Variants in NEB observed in about 807,000 individuals in gnomAD.
The protein encoded by NEB is nebulin, also known as nemaline myopathy type 2.
Under a neutral mutation model 952.2 loss-of-function variants are expected in NEB, and 512 were observed. The observed-to-expected ratio is 0.54, with a 90% CI of 0.50 to 0.58. The LOEUF is 0.58. Ranked by LOEUF, NEB falls within the 20% of genes least tolerant of loss-of-function variation. NEB has a pLI of 0.00. For missense variants in NEB, 8,428 were observed against 9,231.1 expected, an observed-to-expected ratio of 0.91 and a Z score of 3.56; for synonymous variants, 2,900 against 3,149.8, an observed-to-expected ratio of 0.92 and a Z score of 2.66.
chr2:151,619,694 G>C lies in NEB; in HGVS notation c.10629C>G (p.Asp3543Glu). The C allele has an allele frequency of 6.2e-7, 1 of 1,613,962 alleles. No homozygotes were observed. Among genetic ancestry groups the C allele is most frequent in the Non-Finnish European group, 8.5e-7 (1 of 1,179,862 alleles). ...HHIGARAVHD[D>E]PKIMWSLHIA... ...TGTGGAGGGACCACATTATCTTGGG[G>C]TCATCGTGTACTGCTCGGGCGCCAA... The change falls in exon 73 of 182, where the codon GAC becomes GAG. Residue 3543 changes from aspartate (D) to glutamate (E), a missense_variant. Asp to Glu is a conservative substitution (Grantham distance 45). Around this residue, in one of 11 missense-constraint regions of NEB, gnomAD observed 1,772 missense variants for 1,960.3 expected, o/e 0.90. Coordinates refer to ENST00000397345, the MANE Select transcript of NEB (RefSeq NM_001164508.2).
chr2:151,525,268 A>G lies in NEB; in HGVS notation c.22167T>C (p.Asn7389=). 2 of 1,606,722 alleles carry G rather than the reference A, an allele frequency of 1.2e-6. No homozygotes were observed. Among genetic ancestry groups the G allele is most frequent in the Non-Finnish European group, 1.7e-6 (2 of 1,173,462 alleles). Residue 7389 remains asparagine, a synonymous_variant, in exon 151 of 182, where the codon AAT becomes AAC. Coordinates refer to ENST00000397345, the MANE Select transcript of NEB (RefSeq NM_001164508.2). The stretch of plus-strand genomic sequence containing the variant: ...TCTCCTTGACAAACTTCTTTTTGTA[A>G]TTTGTCTAAATAGAGCCAGAATTAC... ...KEVTKHVSDT[N]YKKKFVKEKG... is the part of the protein sequence containing the mutation.
intron 153 of NEB, among the ~76,000 whole-genome samples, chr2:151,520,413 A>G (rs1435860605): frequency 6.6e-6 from 1 of 152,230 alleles, no homozygotes; most frequent in African/African-American, 2.4e-5. Flanking sequence ...AAGATTAAAT[A>G]TACTTTTAGT....
intron 169 of NEB, 115 bp from the exon 170 acceptor site, chr2:151,498,467 A>G: frequency 1.4e-6 from 1 of 698,062 alleles, no homozygotes; most frequent in Non-Finnish European, 2.4e-6. Context: ...AGGAAGAGAA[A>G]TACCAGAAGC....
intron 56 of NEB, 108 bp downstream of exon 56, chr2:151,644,360 A>C: frequency 8.7e-7 from 1 of 1,154,002 alleles, no homozygotes; most frequent in Non-Finnish European, 1.3e-6. Context: ...ATTTTATTCC[A>C]CTGTAATTTG....
chr2:151,486,211 A>G, intron 181 of NEB: 1 of 321,462 alleles, frequency 3.1e-6, no homozygotes, highest in Non-Finnish European at 5.8e-6. Context: ...ACATTTCTCC[A>G]AAAAAGATAG....
Position 151,567,404 on chromosome 2 carries a change from G to A in NEB, c.17920C>T (p.Leu5974=), listed in dbSNP as rs1577892687. ...GVPTMRDDPK[L]VWFEHAGQIQ... Reference sequence around the variant, plus strand: ...TGGCCTGCATGCTCAAACCAAACCAGCTTAGGATCATCTCTCATCGTCGGG... The same window carrying A: ...TGGCCTGCATGCTCAAACCAAACCAACTTAGGATCATCTCTCATCGTCGGG... Residue 5974 remains leucine, a synonymous_variant, in exon 114 of 182, where the codon CTG becomes TTG. Coordinates refer to ENST00000397345, the MANE Select transcript of NEB (RefSeq NM_001164508.2). 1 of 1,613,734 alleles carries A rather than the reference G, an allele frequency of 6.2e-7. No homozygotes were observed. Among genetic ancestry groups the A allele is most frequent in the Non-Finnish European group, 8.5e-7 (1 of 1,179,768 alleles).
Position 151,492,122 on chromosome 2 carries a change from C to A in NEB, c.25033G>T (p.Asp8345Tyr). The A allele has an allele frequency of 6.2e-7, 1 of 1,613,896 alleles. No individual in the cohort carries two copies. Among genetic ancestry groups the A allele is most frequent in the South Asian group, 1.1e-5 (1 of 91,050 alleles). The change falls in exon 178 of 182, where the codon GAC becomes TAC. Residue 8345 changes from aspartate to tyrosine, a missense_variant. Coordinates refer to ENST00000397345, the MANE Select transcript of NEB (RefSeq NM_001164508.2). ...CCTGTAATAGTCTCCTGATCTTGGT[C>A]ATTCCGTTTTTGTTCCATTTCTACC... ...KVVEMEQKRN[D>Y]QDQETITGLR...
chr2:151,555,171 C>A, intron 124 of NEB, 127 bp from the exon 125 acceptor site: 2 of 654,050 alleles, frequency 3.1e-6, no homozygotes, highest in Non-Finnish European at 5.4e-6. Flanking sequence ...GACAACACTT[C>A]TCTGAACTCA....
intron 153 of NEB, among the ~76,000 whole-genome samples, chr2:151,523,181 T>A (rs1201814885): frequency 6.6e-6 from 1 of 152,258 alleles, no homozygotes; most frequent in Non-Finnish European, 1.5e-5. Context: ...CACTGTTTTT[T>A]TGTTGGTGGT....
chr2:151,512,599 C>CCA, intron 161 of NEB, 134 bp downstream of exon 161: 1 of 726,324 alleles, frequency 1.4e-6, no homozygotes, highest in Admixed American at 2.5e-5. Flanking sequence ...CAGACGTGAG[C>CCA]CACTGCACCT....
At position 151,562,664 on chromosome 2, in the gene NEB, G is replaced by A; in HGVS notation, c.18838C>T (p.Leu6280=). The A allele has an allele frequency of 6.3e-7, 1 of 1,599,286 alleles. No homozygotes were observed. Residue 6280 remains leucine (L), a synonymous_variant, in exon 120 of 182, where the codon CTG becomes TTG. Coordinates refer to ENST00000397345, the MANE Select transcript of NEB (RefSeq NM_001164508.2). ...RHYFHQWTSL[L]EEPNVIRVRN... ...ACGCGTATAACATTGGGTTCTTCCA[G>A]AAGAGACGTCCACTGGTGGAAATAG...
intron 9 of NEB, among the ~76,000 whole-genome samples, chr2:151,722,422 A>G (rs1457623295): frequency 6.6e-6 from 1 of 152,220 alleles, no homozygotes; most frequent in Non-Finnish European, 1.5e-5. Context: ...GGATACCAAA[A>G]TTCCGGCAAG....
At chr2:151,672,055 A>G (rs557283502) in intron 37 of NEB, among the ~76,000 whole-genome samples, 1 of 152,174 alleles carries the variant, frequency 6.6e-6, no homozygotes, top group South Asian at 2.1e-4. Context: ...TTTTGTATCT[A>G]TCACCATTGC....
Position 151,514,397 on chromosome 2 carries a change from A to T in NEB, c.23048T>A (p.Ile7683Asn). Residue 7683 changes from isoleucine to asparagine, a missense_variant, in exon 159 of 182, where the codon ATC becomes AAC. Ile to Asn is a moderately radical substitution (Grantham distance 149). Around this residue, in one of 11 missense-constraint regions of NEB, gnomAD observed 3,374 missense variants for 3,651.5 expected, o/e 0.92. Coordinates refer to ENST00000397345, the MANE Select transcript of NEB (RefSeq NM_001164508.2). ...CATTTCAGTGAGGCCCTTCCCACGGATGCTTTCCTCTAGATCTTTCCTGTA... is the reference window on the plus strand; with the variant it reads ...CATTTCAGTGAGGCCCTTCCCACGGTTGCTTTCCTCTAGATCTTTCCTGTA... ...KEYRKDLEES[I>N]RGKGLTEMED... 1.2e-6 allele frequency: 2 copies of T among 1,613,610 alleles called. No individual in the cohort carries two copies. Among genetic ancestry groups the T allele is most frequent in the Non-Finnish European group, 1.7e-6 (2 of 1,179,542 alleles).
chr2:151,501,721 C>T (rs547068600), intron 167 of NEB, among the ~76,000 whole-genome samples: 59 of 152,152 alleles, frequency 3.9e-4, no homozygotes, highest in African/African-American at 1.4e-3. Context: ...GCAGGAGTGG[C>T]TTGACTTATG....
At chr2:151,726,264 A>T (rs2150835252) in intron 5 of NEB, among the ~76,000 whole-genome samples, 1 of 152,298 alleles carries the variant, frequency 6.6e-6, no homozygotes, top group South Asian at 2.1e-4. Flanking sequence ...AATTAATAAG[A>T]ATGTATGGCA....
intron 176 of NEB, chr2:151,493,053 T>C (rs1396994691): frequency 6.9e-6 from 2 of 290,492 alleles, no homozygotes; most frequent in Non-Finnish European, 1.3e-5. Context: ...AAATTTGTTA[T>C]AGTTGGTTAC....
chr2:151,711,139 T>C (rs1031776912), intron 10 of NEB, among the ~76,000 whole-genome samples: 2 of 152,178 alleles, frequency 1.3e-5, no homozygotes, highest in Admixed American at 1.3e-4. Flanking sequence ...TATGTCTTCT[T>C]CACTTTCATA....
At position 151,620,714 on chromosome 2, in the gene NEB, T is replaced by C. The variant is rs546063461; in HGVS notation, c.10560+205A>G. Among the ~76,000 whole-genome samples, 5 of 152,192 alleles carry C rather than the reference T, an allele frequency of 3.3e-5. No homozygotes were observed. The South Asian group carries it at 1.0e-3, about 32-fold the overall frequency. On this transcript the variant is annotated intron_variant, in intron 72 of 181. Transcript: ENST00000397345. ...ACTCCTATTGAGCAAAGATCAAAAA[T>C]AAGGAGTCAAATGAGCCACATTCCA...
Sources: gnomAD v4.1 joint callset for allele counts (sites outside exome capture counted in the v4.1 genomes callset) on GRCh38, gnomAD v4.1.1 for gene constraint, gnomAD v4.1.1 regional missense constraint, MANE v1.5 for transcripts, NCBI Gene and HGNC (gene_info 2026-07-23, HGNC 2026-07-21) for gene names.